The following CPSF2 variants were observed in gnomAD, a reference collection of about 807,000 sequenced individuals.
CPSF2 encodes the protein cleavage and polyadenylation specificity factor subunit 2.
A neutral mutation model predicts 84.2 loss-of-function variants in CPSF2; 51 were observed. The ratio of observed to expected loss-of-function variants is 0.61; its 90% confidence interval spans 0.48 to 0.77. The LOEUF (loss-of-function observed/expected upper bound fraction) is 0.77. CPSF2 is among the 30% of genes least tolerant of loss of function. The probability of loss-of-function intolerance (pLI) is 0.00; values close to 1 mark genes in which losing one functional copy is unlikely to be tolerated. For synonymous variants in CPSF2, 286 were observed against 311.9 expected (o/e 0.92, Z 0.87); for missense variants, 641 against 929.4 (o/e 0.69, Z 4.03).
intron 10 of CPSF2, 47 bp from the exon 11 acceptor site, chr14:92,155,076 A>T (rs180954745): frequency 1.4e-4 from 168 of 1,214,250 alleles, no homozygotes; most frequent in Non-Finnish European, 9.5e-6. Flanking sequence ...TTAATTTAAA[A>T]TATCTTTGAA....
intron 9 of CPSF2, 159 bp from the exon 10 acceptor site, chr14:92,154,199 C>T (rs1183599183): frequency 1.9e-6 from 1 of 538,968 alleles, no homozygotes; most frequent in Non-Finnish European, 3.3e-6. Context: ...TAAATAGGAC[C>T]TATAATTGTA....
At chr14:92,137,732 T>C (rs1036875268) in intron 6 of CPSF2, among the ~76,000 whole-genome samples, 1 of 152,214 alleles carries the variant, frequency 6.6e-6, no homozygotes, top group Middle Eastern at 3.4e-3. Context: ...ATGGCAAAAA[T>C]AAGTGACCGA....
In CPSF2 at chr14:92,158,991, A is replaced by G. The variant is rs562900471; in HGVS notation, c.1830A>G (p.Leu610=). ...TSETHIYQVR[L]KDSLVSSLQF... ...CTCCTTTGCATGTCTAGGTGAGGTT[A>G]AAAGACTCACTTGTCAGCTCTCTTC... Residue 610 remains leucine, a synonymous_variant, in exon 14 of 16, where the codon TTA becomes TTG. Coordinates refer to ENST00000298875, the MANE Select transcript of CPSF2 (RefSeq NM_017437.3). The G allele has an allele frequency of 9.1e-5, 147 of 1,611,610 alleles. No individual in the cohort carries two copies. In the Middle Eastern group the frequency reaches 1.2e-3, roughly 13 times the overall value.
At chr14:92,152,286 C>T (rs1166103472) in intron 9 of CPSF2, among the ~76,000 whole-genome samples, 6 of 150,506 alleles carry the variant, frequency 4.0e-5, no homozygotes, top group East Asian at 2.0e-4. Flanking sequence ...TGTGCCATCA[C>T]GCCCGGCTAA....
At chr14:92,139,342 G>A (rs181043246) in intron 7 of CPSF2, among the ~76,000 whole-genome samples, 118 of 151,784 alleles carry the variant, frequency 7.8e-4, no homozygotes, top group South Asian at 3.3e-3. Context: ...GCGTAAACCC[G>A]GAAGGCGGAG....
At chr14:92,138,617 A>G (rs2069032416) in intron 7 of CPSF2, among the ~76,000 whole-genome samples, 2 of 152,014 alleles carry the variant, frequency 1.3e-5, no homozygotes, top group Non-Finnish European at 2.9e-5. Flanking sequence ...TTTAGTGGAG[A>G]CAGGGTTTCT....
rs773489848 is a variant in CPSF2, at chr14:92,134,004, C to G, written c.150-7C>G. ...AAGAAGTAGTCCTTTGGATTGTGTT[C>G]TTGTAGGCATGTTCACCAGATTGAT... On this transcript the variant is annotated splice_region_variant and splice_polypyrimidine_tract_variant and intron_variant, in intron 3 of 15. Transcript: ENST00000298875. 3 of 1,613,654 alleles carry G rather than the reference C, an allele frequency of 1.9e-6. No homozygotes were observed. The South Asian group carries it at 3.3e-5, about 18-fold the overall frequency.
rs1567024885 is a variant in CPSF2, at chr14:92,154,216, G to A, written c.1141-142G>A. 8.6e-6 allele frequency: 5 copies of A among 580,662 alleles called. No homozygotes were observed. In the East Asian group the frequency reaches 1.4e-4, roughly 17 times the overall value. 36.0% of individuals were successfully genotyped at this position (580,662 alleles called of 1,614,324 possible). A position where few individuals can be genotyped will look rare whatever the true frequency, so the allele number is the denominator to read the frequency against. ...AATAGGACCTATAATTGTATGTAAT[G>A]GAAACTTGATTAATTTCAGAGGAAA... On this transcript the variant is annotated intron_variant, in intron 9 of 15. Coordinates refer to ENST00000298875, the MANE Select transcript of CPSF2 (RefSeq NM_017437.3).
chr14:92,128,426 T>G (rs2068869987), intron 2 of CPSF2, among the ~76,000 whole-genome samples: 1 of 152,142 alleles, frequency 6.6e-6, no homozygotes, highest in African/African-American at 2.4e-5. Flanking sequence ...GAGGTGGCAG[T>G]GAGCCAAGAT....
chr14:92,123,209 A>T (rs984636749), intron 1 of CPSF2, among the ~76,000 whole-genome samples: 1 of 150,936 alleles, frequency 6.6e-6, no homozygotes, highest in African/African-American at 2.4e-5. Flanking sequence ...GCTCACTGCA[A>T]CCTCTGCCTC....
rs1209626639 is a variant in CPSF2, at chr14:92,157,523, A to C, written c.1596-136A>C. On this transcript the variant is annotated intron_variant, in intron 12 of 15. Coordinates refer to ENST00000298875, the MANE Select transcript of CPSF2 (RefSeq NM_017437.3). The surrounding 1 kb of genome is among the most constrained non-coding windows in gnomAD (Gnocchi z 4.0). ...CCCAATCTCAGAAAAATAAAAACAAAAATAAAATAAATCATACAGATACTA... is the reference window on the plus strand; with the variant it reads ...CCCAATCTCAGAAAAATAAAAACAACAATAAAATAAATCATACAGATACTA... 3.1e-6 allele frequency: 2 copies of C among 643,914 alleles called. No homozygotes were observed. The highest frequency in any genetic ancestry group is 4.0e-5 in the African/African-American group (2 of 49,754). 39.9% of individuals were successfully genotyped at this position (643,914 alleles called of 1,614,324 possible). A position where few individuals can be genotyped will look rare whatever the true frequency, so the allele number is the denominator to read the frequency against.
chr14:92,159,716 A>G (rs1364612635), intron 14 of CPSF2, among the ~76,000 whole-genome samples: 3 of 152,078 alleles, frequency 2.0e-5, no homozygotes, highest in Admixed American at 6.6e-5. Flanking sequence ...ATTTGGGCTG[A>G]TTTTGGAGTT....
At chr14:92,136,169 C>G (rs1303117706) in intron 6 of CPSF2, among the ~76,000 whole-genome samples, 1 of 152,160 alleles carries the variant, frequency 6.6e-6, no homozygotes, top group Non-Finnish European at 1.5e-5. Flanking sequence ...GGTGTTTAGT[C>G]TCTTACAGGC....
rs753108451 is a variant in CPSF2 at position 92,155,177 on chromosome 14, A to G, written c.1296A>G (p.Pro432=). The part of the protein sequence containing the change: ...ESDIEEDIDQ[P]SAHKTKHDLM... ...ATATTGAGGAAGATATTGACCAGCC[A>G]TCAGCTCATAAGACGAAGCATGACT... The change falls in exon 11 of 16, where the codon CCA becomes CCG. Residue 432 remains proline (P), a synonymous_variant. Coordinates refer to ENST00000298875, the MANE Select transcript of CPSF2 (RefSeq NM_017437.3). 7.4e-6 allele frequency: 12 copies of G among 1,613,980 alleles called. No individual in the cohort carries two copies. In the Admixed American group the frequency reaches 1.5e-4, roughly 20 times the overall value.
Position 92,134,276 on chromosome 14 carries a change from A to G in CPSF2, c.336A>G (p.Thr112=), listed in dbSNP as rs200651259. 1.9e-6 allele frequency: 3 copies of G among 1,613,504 alleles called. No individual in the cohort carries two copies. Among genetic ancestry groups the G allele is most frequent in the Non-Finnish European group, 2.5e-6 (3 of 1,179,570 alleles). ...YQSRHNTEDF[T]LFTLDDVDAA... The stretch of plus-strand genomic sequence containing the variant: ...CTCGACACAATACAGAAGATTTTAC[A>G]CTCTTTACATTAGATGATGTGGATG... Residue 112 remains threonine (T), a synonymous_variant, in exon 5 of 16, where the codon ACA becomes ACG. Transcript: ENST00000298875.
intron 9 of CPSF2, among the ~76,000 whole-genome samples, chr14:92,153,142 T>G (rs1326820464): frequency 1.4e-5 from 2 of 142,710 alleles, no homozygotes. Flanking sequence ...AAGAAGGTAC[T>G]CTTTCCCCAT....
intron 6 of CPSF2, among the ~76,000 whole-genome samples, chr14:92,137,660 C>G (rs557220832): frequency 6.6e-6 from 1 of 152,182 alleles, no homozygotes; most frequent in South Asian, 2.1e-4. Flanking sequence ...GGAATGTGAC[C>G]TAAAGAAACA....
intron 1 of CPSF2, among the ~76,000 whole-genome samples, chr14:92,123,681 A>G (rs1452260892): frequency 1.3e-5 from 2 of 152,174 alleles, no homozygotes; most frequent in Admixed American, 1.3e-4. Flanking sequence ...TTAAAGGCGC[A>G]AGCCACTGCG....
rs1306989969 is a variant in CPSF2 at position 92,143,172 on chromosome 14, G to A, written c.1018G>A (p.Asp340Asn). 3.1e-6 allele frequency: 5 copies of A among 1,614,056 alleles called. No homozygotes were observed. Among genetic ancestry groups the A allele is most frequent in the Non-Finnish European group, 4.2e-6 (5 of 1,180,014 alleles). Residue 340 changes from aspartate to asparagine, a missense_variant, in exon 9 of 16, where the codon GAT (aspartate) becomes AAT (asparagine). Physicochemically the swap from Asp to Asn is conservative, Grantham distance 23. Around this residue, in one of 2 missense-constraint regions of CPSF2, gnomAD observed 430 missense variants for 553.6 expected, o/e 0.78. Coordinates refer to ENST00000298875, the MANE Select transcript of CPSF2 (RefSeq NM_017437.3). ...TGACCTGGAATGCGGATTTTCAAGG[G>A]ATCTCTTTATTCAGTGGTGTCAGGA... The part of the protein sequence containing the change: ...QPDLECGFSR[D>N]LFIQWCQDPK...
Sources: gnomAD v4.1 joint callset for allele counts (sites outside exome capture counted in the v4.1 genomes callset) on GRCh38, gnomAD v4.1.1 for gene constraint, gnomAD v4.1.1 regional missense constraint, Gnocchi (gnomAD v3.1) non-coding constraint, MANE v1.5 for transcripts, NCBI Gene and HGNC (gene_info 2026-07-23, HGNC 2026-07-21) for gene names.